The following FYN variants were observed in gnomAD, a reference collection of about 807,000 sequenced individuals.
FYN encodes tyrosine-protein kinase Fyn.
Under a neutral mutation model 70.2 loss-of-function variants are expected in FYN, and 10 were observed. The ratio of observed to expected loss-of-function variants is 0.14; its 90% CI spans 0.09 to 0.24. The LOEUF (loss-of-function observed/expected upper bound fraction) is 0.24, where lower values mean the gene tolerates loss of function less well. Among genes scored for constraint, FYN ranks in the 10% least tolerant of loss-of-function variants. FYN has a pLI of 1.00. For missense variants in FYN, 319 were observed against 673.1 expected (o/e 0.47, Z 5.82); for synonymous variants, 236 against 248.6 (o/e 0.95, Z 0.48).
At chr6:111,728,043 T>C (rs1163010244) in intron 3 of FYN, among the ~76,000 whole-genome samples, 2 of 152,186 alleles carry the variant, frequency 1.3e-5, no homozygotes, top group Non-Finnish European at 2.9e-5. Flanking sequence ...AACTGAATGC[T>C]GGAACCAGTC....
chr6:111,828,073 T>C (rs776500051), intron 2 of FYN, among the ~76,000 whole-genome samples: 7 of 152,212 alleles, frequency 4.6e-5, no homozygotes, highest in Non-Finnish European at 1.0e-4. Flanking sequence ...TACAGTTGAC[T>C]GTGTACCCTG....
chr6:111,719,417 T>A (rs1800829590), intron 4 of FYN, among the ~76,000 whole-genome samples: 1 of 151,942 alleles, frequency 6.6e-6, no homozygotes, highest in Non-Finnish European at 1.5e-5. Context: ...CCAGACCCAG[T>A]CCTGGAGCCT....
chr6:111,760,183 C>T (rs1051922615), intron 3 of FYN, among the ~76,000 whole-genome samples: 1 of 152,116 alleles, frequency 6.6e-6, no homozygotes, highest in Non-Finnish European at 1.5e-5. Flanking sequence ...CTCCTGCAAC[C>T]AGCAGCATAA....
chr6:111,752,402 T>G (rs921207802), intron 3 of FYN, among the ~76,000 whole-genome samples: 1 of 152,174 alleles, frequency 6.6e-6, no homozygotes, highest in Non-Finnish European at 1.5e-5. Context: ...CAATTGTCAG[T>G]TGGAAGTTGT....
intron 2 of FYN, among the ~76,000 whole-genome samples, chr6:111,828,200 A>C (rs958145769): frequency 2.6e-4 from 39 of 152,168 alleles, no homozygotes; most frequent in Non-Finnish European, 1.9e-4. Flanking sequence ...CCCTTGGAGC[A>C]AGCAGAAATT....
intron 2 of FYN, among the ~76,000 whole-genome samples, chr6:111,792,627 T>C (rs1304687522): frequency 1.3e-5 from 2 of 152,164 alleles, no homozygotes; most frequent in Admixed American, 1.3e-4. Context: ...TACACAGCAA[T>C]GAAAATGAAC....
chr6:111,801,561 C>T (rs1771985617), intron 2 of FYN, among the ~76,000 whole-genome samples: 1 of 152,186 alleles, frequency 6.6e-6, no homozygotes, highest in African/African-American at 2.4e-5. Context: ...ACTTCCGTAC[C>T]AGCCACTTAG....
chr6:111,829,634 A>G (rs1160057632), intron 2 of FYN, among the ~76,000 whole-genome samples: 1 of 152,178 alleles, frequency 6.6e-6, no homozygotes, highest in Non-Finnish European at 1.5e-5. Context: ...GTCAGAAAAC[A>G]TAGGTTGAGA....
chr6:111,732,066 C>CT (rs1801484860), intron 3 of FYN, among the ~76,000 whole-genome samples: 1 of 152,186 alleles, frequency 6.6e-6, no homozygotes, highest in African/African-American at 2.4e-5. Flanking sequence ...TGTGGCCACT[C>CT]TGTGTGGGAG....
intron 2 of FYN, among the ~76,000 whole-genome samples, chr6:111,833,805 A>G (rs1773097139): frequency 6.6e-6 from 1 of 152,216 alleles, no homozygotes; most frequent in African/African-American, 2.4e-5. Flanking sequence ...ACACACTCTA[A>G]GACCCAGAAA....
intron 9 of FYN, chr6:111,699,431 C>G: frequency 7.0e-7 from 1 of 1,433,316 alleles, no homozygotes; most frequent in Non-Finnish European, 9.6e-7. Context: ...TTTGTCCCAA[C>G]GGCTGTGTGT....
intron 13 of FYN, among the ~76,000 whole-genome samples, chr6:111,668,216 C>T (rs1193252419): frequency 3.3e-5 from 5 of 152,186 alleles, no homozygotes; most frequent in African/African-American, 4.8e-5. Flanking sequence ...GGTTAATAAC[C>T]GTGACACTGA....
chr6:111,815,205 A>G (rs1562531287), intron 2 of FYN, among the ~76,000 whole-genome samples: 1 of 152,196 alleles, frequency 6.6e-6, no homozygotes, highest in Non-Finnish European at 1.5e-5. Flanking sequence ...TCAGCCCAGC[A>G]ACACCTCCAT....
chr6:111,697,183 T>G (rs991297992), intron 9 of FYN, among the ~76,000 whole-genome samples: 1 of 151,688 alleles, frequency 6.6e-6, no homozygotes, highest in African/African-American at 2.4e-5. Flanking sequence ...TAAAAAAAAA[T>G]CTAGCAAATC....
At chr6:111,761,991 T>C (rs1486291355) in intron 3 of FYN, among the ~76,000 whole-genome samples, 1 of 152,114 alleles carries the variant, frequency 6.6e-6, no homozygotes, top group Non-Finnish European at 1.5e-5. Flanking sequence ...TGGCTCGATG[T>C]TTTTTATGTG....
chr6:111,684,163 A>C (rs1212339683), intron 12 of FYN, among the ~76,000 whole-genome samples: 1 of 152,166 alleles, frequency 6.6e-6, no homozygotes, highest in Non-Finnish European at 1.5e-5. Flanking sequence ...GGGAGGAAGG[A>C]GGAATGCTGT....
intron 2 of FYN, among the ~76,000 whole-genome samples, chr6:111,794,308 A>G (rs1475663651): frequency 6.6e-6 from 1 of 152,262 alleles, no homozygotes; most frequent in African/African-American, 2.4e-5. Flanking sequence ...CCCTAATTAG[A>G]GTTCTCTGGT....
At chr6:111,714,464 A>G (rs761314342) in intron 4 of FYN, 21 bp from the exon 5 acceptor site, 1 of 1,534,762 alleles carries the variant, frequency 6.5e-7, no homozygotes, top group Admixed American at 1.7e-5. Context: ...GAAATTCACA[A>G]GAAGGGAGAT....
chr6:111,747,768 T>C (rs1486021115), intron 3 of FYN, among the ~76,000 whole-genome samples: 1 of 152,242 alleles, frequency 6.6e-6, no homozygotes, highest in Non-Finnish European at 1.5e-5. Context: ...AGGCTTCCTT[T>C]CCATTTTTCG....
Sources: allele counts gnomAD v4.1 joint callset (sites outside exome capture counted in the v4.1 genomes callset), GRCh38; gene constraint gnomAD v4.1.1; transcripts MANE v1.5; gene names NCBI Gene and HGNC (gene_info 2026-07-23, HGNC 2026-07-21).